PLD3: variants seen among roughly 807,000 people sequenced by gnomAD.
PLD3 encodes the protein 5'-3' exonuclease PLD3.
Under a neutral mutation model 58.4 loss-of-function variants are expected in PLD3, and 31 were observed. That is an observed-to-expected ratio of 0.53 (90% CI 0.40 to 0.72). The LOEUF (loss-of-function observed/expected upper bound fraction) is 0.72. Ranked by LOEUF, PLD3 falls within the 30% of genes least tolerant of loss-of-function variation. PLD3 has a pLI of 0.00. For missense variants in PLD3, 595 were observed against 659.8 expected, an observed-to-expected ratio of 0.90 and a Z score of 1.08; for synonymous variants, 264 against 273.4, an observed-to-expected ratio of 0.97 and a Z score of 0.34.
chr19:40,367,245 CA>C (rs1286107885), intron 5 of PLD3: 2 of 304,236 alleles, frequency 6.6e-6, no homozygotes, highest in African/African-American at 4.3e-5. Flanking sequence ...CATTCAAATA[CA>C]CACAGTTTTA....
rs755709397 is a variant in PLD3 at position 40,367,721 on chromosome 19, G to T, written c.271G>T (p.Glu91Ter). The T allele has an allele frequency of 1.2e-6, 2 of 1,612,576 alleles. No individual in the cohort carries two copies. Among genetic ancestry groups the T allele is most frequent in the Non-Finnish European group, 1.7e-6 (2 of 1,178,902 alleles). ...AGCAGTGCTGGTGGAAAGCATTCCT[G>T]AGGGCCTGGACTTCCCCAATGCCTC... ...CEAVLVESIP[E>*]GLDFPNASTG... The change falls in exon 6 of 13, where the codon GAG becomes TAG. Residue 91 changes from glutamate to a stop codon, truncating the protein, a stop_gained. Coordinates refer to ENST00000409735, the MANE Select transcript of PLD3 (RefSeq NM_012268.4). LOFTEE classifies it high-confidence loss of function.
At chr19:40,372,917 T>G (rs145358904) in intron 9 of PLD3, among the ~76,000 whole-genome samples, 2 of 152,308 alleles carry the variant, frequency 1.3e-5, no homozygotes, top group African/African-American at 4.8e-5. Flanking sequence ...CCACATTTCA[T>G]ATGCTCAGTA....
intron 1 of PLD3, among the ~76,000 whole-genome samples, chr19:40,365,084 T>C (rs73933270): frequency 0.023 from 3,536 of 152,312 alleles, 142 homozygotes; most frequent in African/African-American, 0.081. Flanking sequence ...AATACTCCTT[T>C]TCTGCAGTTA....
intron 1 of PLD3, among the ~76,000 whole-genome samples, chr19:40,350,295 T>C (rs1310715567): frequency 6.6e-6 from 1 of 151,128 alleles, no homozygotes; most frequent in East Asian, 1.9e-4. Flanking sequence ...TGCATGATCT[T>C]GGGCAACTAA....
At chr19:40,374,724 G>A (rs551722204) in intron 10 of PLD3, 104 bp downstream of exon 10, 44 of 1,284,058 alleles carry the variant, frequency 3.4e-5, no homozygotes, top group Middle Eastern at 1.9e-4. Context: ...CAAGGGGACA[G>A]ATGGAAGAGA....
intron 9 of PLD3, among the ~76,000 whole-genome samples, chr19:40,372,601 C>T (rs1459907830): frequency 6.6e-6 from 1 of 151,678 alleles, no homozygotes. Flanking sequence ...CATGACCAGC[C>T]TGGGCAACAT....
Position 40,374,530 on chromosome 19 carries a change from C to T in PLD3, c.929C>T (p.Ala310Val). 6.2e-7 allele frequency: 1 copy of T among 1,614,180 alleles called. No homozygotes were observed. The highest frequency in any genetic ancestry group is 1.3e-5 in the African/African-American group (1 of 75,058). The change falls in exon 10 of 13, where the codon GCT (alanine) becomes GTT (valine). Residue 310 changes from alanine to valine, a missense_variant. Coordinates refer to ENST00000409735, the MANE Select transcript of PLD3 (RefSeq NM_012268.4). ...AGTGGCCGCACTCCAGACCTGAAGG[C>T]TCTACTCAACGTGGTGGACAATGCC... is the stretch of plus-strand genomic sequence containing the variant. Reference protein sequence around the residue: ...CPSGRTPDLKALLNVVDNARS... With the variant: ...CPSGRTPDLKVLLNVVDNARS...
Position 40,376,682 on chromosome 19 carries a change from A to T in PLD3, c.1093A>T (p.Ser365Cys). The part of the protein sequence containing the change: ...ERGVKVRLLI[S>C]CWGHSEPSMR... ...TGGCGTCAAGGTGCGCCTGCTCATC[A>T]GCTGCTGGGGACACTCGGAGCCATC... The change falls in exon 11 of 13, where the codon AGC becomes TGC. Residue 365 changes from serine (S) to cysteine (C), a missense_variant. Transcript: ENST00000409735. 1.2e-6 allele frequency: 2 copies of T among 1,606,208 alleles called. No homozygotes were observed. The highest frequency in any genetic ancestry group is 1.7e-6 in the Non-Finnish European group (2 of 1,179,970).
intron 7 of PLD3, 35 bp downstream of exon 7, chr19:40,370,063 T>C: frequency 1.3e-6 from 2 of 1,578,630 alleles, no homozygotes; most frequent in Non-Finnish European, 1.7e-6. Flanking sequence ...GGTCTGGGCC[T>C]GGGGGTACCC....
chr19:40,366,136 T>C (rs760609460), intron 2 of PLD3: 19 of 401,858 alleles, frequency 4.7e-5, no homozygotes, highest in Non-Finnish European at 8.6e-5. Context: ...TTGGGGTGTC[T>C]ACAGGTTGGA....
Position 40,378,036 on chromosome 19 carries a change from C to T in PLD3, c.1336C>T (p.Leu446=). 1 of 1,613,694 alleles carries T rather than the reference C, an allele frequency of 6.2e-7. No homozygotes were observed. The highest frequency in any genetic ancestry group is 1.1e-5 in the South Asian group (1 of 91,030). The change falls in exon 13 of 13, where the codon CTG becomes TTG. Residue 446 remains leucine (L), a synonymous_variant. Coordinates refer to ENST00000409735, the MANE Select transcript of PLD3 (RefSeq NM_012268.4). ...NYFTETAGTS[L]LVTQNGRGGL... ...CTTCACGGAGACGGCGGGCACCTCG[C>T]TGCTGGTGACGCAGAATGGGAGGGG... is the stretch of plus-strand genomic sequence containing the variant.
At chr19:40,376,356 A>C (rs1046942905) in intron 10 of PLD3, 59 of 333,160 alleles carry the variant, frequency 1.8e-4, no homozygotes, top group African/African-American at 1.6e-3. Context: ...ATTCCACCTC[A>C]AAAAAAAAAA....
chr19:40,374,186 A>G (rs1053496663), intron 9 of PLD3, among the ~76,000 whole-genome samples: 1 of 152,140 alleles, frequency 6.6e-6, no homozygotes, highest in Non-Finnish European at 1.5e-5. Context: ...CCGCTGGATC[A>G]GGGACCTTAC....
intron 5 of PLD3, chr19:40,367,306 C>T (rs866155203): frequency 3.9e-6 from 1 of 256,350 alleles, no homozygotes; most frequent in Non-Finnish European, 7.4e-6. Context: ...TTTAGCTGGG[C>T]TTGGTGGCTC....
intron 1 of PLD3, among the ~76,000 whole-genome samples, chr19:40,349,588 AGT>A (rs2078433772): frequency 6.6e-6 from 1 of 152,092 alleles, no homozygotes; most frequent in South Asian, 2.1e-4. Context: ...ATCAGGGCTG[AGT>A]GTGACGATTC....
At chr19:40,349,267 T>C (rs2078420090) in intron 1 of PLD3, among the ~76,000 whole-genome samples, 1 of 152,160 alleles carries the variant, frequency 6.6e-6, no homozygotes, top group African/African-American at 2.4e-5. Context: ...AATGCAACTC[T>C]TACGTCATCA....
chr19:40,352,381 G>C lies in PLD3; in HGVS notation c.-279+3613G>C, dbSNP rs559135608. On this transcript the variant is annotated intron_variant, in intron 1 of 12. Transcript: ENST00000409735. ...GGGTTCAGCTGCTGTCCCAGACGGTGGGGGGCAGGCAGCAGGGGATCTACA... is the reference window on the plus strand; with the variant it reads ...GGGTTCAGCTGCTGTCCCAGACGGTCGGGGGCAGGCAGCAGGGGATCTACA... Among the ~76,000 whole-genome samples the C allele has an allele frequency of 1.2e-4, 19 of 152,250 alleles. No individual in the cohort carries two copies. The South Asian group carries it at 3.9e-3, about 32-fold the overall frequency.
chr19:40,360,359 T>C (rs997127890), intron 1 of PLD3: 1 of 152,252 alleles, frequency 6.6e-6, no homozygotes, highest in Non-Finnish European at 1.5e-5. Flanking sequence ...CCCCAGTCTG[T>C]TCCCCACGCA....
chr19:40,375,313 G>C (rs1180590759), intron 10 of PLD3, among the ~76,000 whole-genome samples: 1 of 151,704 alleles, frequency 6.6e-6, no homozygotes, highest in Admixed American at 6.6e-5. Context: ...AAAGTATTTG[G>C]GTTTAGGGTA....
Sources: gnomAD v4.1 joint callset for allele counts (sites outside exome capture counted in the v4.1 genomes callset) on GRCh38, gnomAD v4.1.1 for gene constraint, MANE v1.5 for transcripts, NCBI Gene and HGNC (gene_info 2026-07-23, HGNC 2026-07-21) for gene names.